The following DNAH8 variants were observed in gnomAD, a reference collection of about 807,000 sequenced individuals.
DNAH8 encodes dynein axonemal heavy chain 8.
Under a neutral mutation model 562.1 loss-of-function variants are expected in DNAH8, and 382 were observed. The observed-to-expected ratio is 0.68, with a 90% CI of 0.63 to 0.74. The LOEUF is 0.74. Among genes scored for constraint, DNAH8 ranks in the 30% least tolerant of loss-of-function variants. The pLI is 0.00. For missense variants in DNAH8, 5,203 were observed against 5,620.4 expected, an observed-to-expected ratio of 0.93 and a Z score of 2.37; for synonymous variants, 1,881 against 1,919.4, an observed-to-expected ratio of 0.98 and a Z score of 0.52.
At chr6:38,905,996 C>G (rs1291727418) in intron 62 of DNAH8, among the ~76,000 whole-genome samples, 1 of 151,936 alleles carries the variant, frequency 6.6e-6, no homozygotes, top group African/African-American at 2.4e-5. Flanking sequence ...ACCTCTGCCT[C>G]CCGGGTTCAA....
intron 30 of DNAH8, among the ~76,000 whole-genome samples, chr6:38,828,996 T>C (rs1161086037): frequency 1.3e-5 from 2 of 152,196 alleles, no homozygotes; most frequent in East Asian, 3.8e-4. Flanking sequence ...ATATGGTCTT[T>C]CGTAACTTGA....
chr6:38,788,029 T>C (rs1005337190), intron 18 of DNAH8, among the ~76,000 whole-genome samples: 3 of 152,102 alleles, frequency 2.0e-5, no homozygotes, highest in Admixed American at 6.5e-5. Flanking sequence ...ATATGAGTTA[T>C]AAGATAACTA....
intron 62 of DNAH8, among the ~76,000 whole-genome samples, chr6:38,900,285 C>T (rs909760934): frequency 4.6e-5 from 7 of 152,314 alleles, no homozygotes; most frequent in South Asian, 2.1e-4. Context: ...TTGTGAGATT[C>T]ATCCATGATG....
chr6:38,767,685 A>G (rs568001041), intron 11 of DNAH8, among the ~76,000 whole-genome samples: 4 of 152,214 alleles, frequency 2.6e-5, no homozygotes, highest in African/African-American at 9.6e-5. Flanking sequence ...ATATATTTTT[A>G]TCCATTCCTC....
chr6:38,899,937 C>G (rs1399740474), intron 62 of DNAH8, 31 bp downstream of exon 62: 1 of 1,483,914 alleles, frequency 6.7e-7, no homozygotes, highest in Non-Finnish European at 9.0e-7. Context: ...ATATGTTTTT[C>G]TATAGTTAAT....
At chr6:39,019,721 G>A (rs1446977299) in intron 91 of DNAH8, among the ~76,000 whole-genome samples, 1 of 152,230 alleles carries the variant, frequency 6.6e-6, no homozygotes, top group Non-Finnish European at 1.5e-5. Flanking sequence ...AAAAAATGAT[G>A]AGGCCAAAGG....
intron 52 of DNAH8, among the ~76,000 whole-genome samples, chr6:38,874,196 TTC>T (rs1483887377): frequency 4.6e-5 from 4 of 86,894 alleles, no homozygotes; most frequent in Admixed American, 1.5e-4. Flanking sequence ...CTCTCTTTCT[TTC>T]TCTCTTTCTT....
chr6:38,921,876 G>A (rs937656337), intron 71 of DNAH8, among the ~76,000 whole-genome samples: 1 of 152,114 alleles, frequency 6.6e-6, no homozygotes, highest in African/African-American at 2.4e-5. Flanking sequence ...GGAGACAGGG[G>A]TGGGGCCGTT....
chr6:38,998,114 T>TATTGG (rs1410691811), intron 88 of DNAH8, among the ~76,000 whole-genome samples: 3 of 152,198 alleles, frequency 2.0e-5, no homozygotes, highest in Non-Finnish European at 4.4e-5. Flanking sequence ...GCCCCCTGTT[T>TATTGG]ATTGGAATCT....
At chr6:38,905,136 A>G (rs756823251) in intron 62 of DNAH8, among the ~76,000 whole-genome samples, 8 of 152,204 alleles carry the variant, frequency 5.3e-5, no homozygotes, top group Non-Finnish European at 1.0e-4. Context: ...TCAGGCCACT[A>G]GATCTTTCTG....
chr6:38,951,645 CT>C, intron 82 of DNAH8, 125 bp downstream of exon 82: 1 of 817,730 alleles, frequency 1.2e-6, no homozygotes, highest in Non-Finnish European at 2.0e-6. Flanking sequence ...AAATATTAAA[CT>C]TATTCCTCTT....
Position 38,791,586 on chromosome 6 carries a change from C to A in DNAH8, c.2813C>A (p.Thr938Lys). 1 of 1,613,322 alleles carries A rather than the reference C, an allele frequency of 6.2e-7. No homozygotes were observed. The highest frequency in any genetic ancestry group is 1.1e-5 in the South Asian group (1 of 90,796). Reference protein sequence around the residue: ...ISDLCEMHIDTVLKEIAKTVL... With the variant: ...ISDLCEMHIDKVLKEIAKTVL... ...GACTTGTGTGAAATGCATATTGATA[C>A]AGTTCTGAAGGAGATAGCCAAAACT... Residue 938 changes from threonine (T) to lysine (K), a missense_variant, in exon 21 of 93, where the codon ACA (threonine) becomes AAA (lysine). By Grantham distance (78) the Thr-to-Lys change is moderately conservative. Around this residue, in one of 6 missense-constraint regions of DNAH8, gnomAD observed 2,176 missense variants for 2,365.1 expected, o/e 0.92. Coordinates refer to ENST00000327475, the MANE Select transcript of DNAH8 (RefSeq NM_001206927.2).
At chr6:38,999,521 TAAG>T (rs1321767021) in intron 88 of DNAH8, among the ~76,000 whole-genome samples, 2 of 151,914 alleles carry the variant, frequency 1.3e-5, no homozygotes, top group Admixed American at 6.6e-5. Flanking sequence ...GATAAAATAA[TAAG>T]AAGAATAGTT....
chr6:38,909,898 A>G (rs1194712075), intron 65 of DNAH8, among the ~76,000 whole-genome samples, 154 bp downstream of exon 65: 1 of 152,228 alleles, frequency 6.6e-6, no homozygotes, highest in African/African-American at 2.4e-5. Flanking sequence ...GTGACTATGT[A>G]TGAAGAGATG....
intron 21 of DNAH8, among the ~76,000 whole-genome samples, chr6:38,794,908 T>C (rs562796421): frequency 3.3e-5 from 5 of 152,316 alleles, no homozygotes; most frequent in African/African-American, 9.6e-5. Flanking sequence ...GGTGGATATA[T>C]ACCCCAAAGG....
At chr6:38,929,024 A>T (rs902236163) in intron 74 of DNAH8, among the ~76,000 whole-genome samples, 1 of 152,206 alleles carries the variant, frequency 6.6e-6, no homozygotes, top group Non-Finnish European at 1.5e-5. Context: ...TCCCAGTGCC[A>T]ATAGGAGACA....
At chr6:38,953,317 TAGA>T (rs1025631160) in intron 82 of DNAH8, among the ~76,000 whole-genome samples, 14 of 152,320 alleles carry the variant, frequency 9.2e-5, no homozygotes, top group East Asian at 1.9e-4. Context: ...ATACAACGCC[TAGA>T]AGAAGGAGTA....
Position 38,845,639 on chromosome 6 carries a change from T to C in DNAH8, c.4911T>C (p.Asn1637=), listed in dbSNP as rs1320642534. ...IEAKLTQVIE[N]WTNQNLSFAA... ...CCAAGCTGACTCAGGTGATTGAGAA[T>C]TGGACCAACCAAAATCTGAGTTTTG... is the stretch of plus-strand genomic sequence containing the variant. The change falls in exon 36 of 93, where the codon AAT becomes AAC. Residue 1637 remains asparagine, a synonymous_variant. Coordinates refer to ENST00000327475, the MANE Select transcript of DNAH8 (RefSeq NM_001206927.2). 6 of 1,613,838 alleles carry C rather than the reference T, an allele frequency of 3.7e-6. No individual in the cohort carries two copies. The African/African-American group carries it at 5.3e-5, about 14-fold the overall frequency.
intron 3 of DNAH8, among the ~76,000 whole-genome samples, chr6:38,724,271 G>A (rs745322629): frequency 2.0e-5 from 3 of 152,178 alleles, no homozygotes; most frequent in Admixed American, 6.5e-5. Context: ...GTGAGCCACC[G>A]CACCTGGCCC....
Sources: gnomAD v4.1 joint callset for allele counts (sites outside exome capture counted in the v4.1 genomes callset) on GRCh38, gnomAD v4.1.1 for gene constraint, gnomAD v4.1.1 regional missense constraint, MANE v1.5 for transcripts, NCBI Gene and HGNC (gene_info 2026-07-23, HGNC 2026-07-21) for gene names.